SH2B3: variants seen among roughly 807,000 people sequenced by gnomAD.
The protein encoded by SH2B3 is SH2B adaptor protein 3, also known as SH2B adapter protein 3.
Under a neutral mutation model 51.9 loss-of-function variants are expected in SH2B3, and 43 were observed. That is an observed-to-expected ratio of 0.83 (90% CI 0.65 to 1.07). The LOEUF is 1.07. SH2B3 is among the 50% of genes least tolerant of loss of function. The pLI is 0.00. For synonymous variants in SH2B3, 396 were observed against 376.0 expected, an observed-to-expected ratio of 1.05 and a Z score of -0.62; for missense variants, 952 against 834.3, an observed-to-expected ratio of 1.14 and a Z score of -1.74.
At chr12:111,405,249 G>A (rs1191502704), upstream of SH2B3, among the ~76,000 whole-genome samples, 2 of 152,204 alleles carry the variant, frequency 1.3e-5, no homozygotes, top group Admixed American at 1.3e-4. This position sits in a 1 kb window ranked among gnomAD's most constrained non-coding sequence, Gnocchi z 5.4. Context: ...CGGCCGGAGC[G>A]AGGCTGGGCT....
At chr12:111,425,813 G>A (rs971140548) in intron 2 of SH2B3, among the ~76,000 whole-genome samples, 3 of 152,132 alleles carry the variant, frequency 2.0e-5, no homozygotes, top group African/African-American at 4.8e-5. Context: ...CCTGGGCACC[G>A]CTGAGCCCCA....
intron 2 of SH2B3, among the ~76,000 whole-genome samples, chr12:111,425,717 AAG>A (rs1871943206): frequency 6.6e-6 from 1 of 152,108 alleles, no homozygotes. Context: ...GAGTGGGTGC[AAG>A]GGACCCTCCA....
chr12:111,447,909 G>A, intron 7 of SH2B3, 74 bp from the exon 8 acceptor site: 1 of 1,556,828 alleles, frequency 6.4e-7, no homozygotes, highest in South Asian at 1.2e-5. Context: ...CAGGGGTACA[G>A]GTATCTTGTT....
chr12:111,445,235 A>T (rs929324482), intron 2 of SH2B3, among the ~76,000 whole-genome samples: 2 of 152,178 alleles, frequency 1.3e-5, no homozygotes, highest in African/African-American at 4.8e-5. Context: ...GTGATCCTTA[A>T]GGCCTGCAGC....
chr12:111,440,298 G>A (rs1042982962), intron 2 of SH2B3, among the ~76,000 whole-genome samples: 5 of 152,240 alleles, frequency 3.3e-5, no homozygotes, highest in Non-Finnish European at 7.3e-5. Flanking sequence ...CACGGAGCTG[G>A]CCCGGGGCAG....
Position 111,448,117 on chromosome 12 carries a change from C to T in SH2B3, c.1543C>T (p.Leu515Phe), listed in dbSNP as rs768764036. 4 of 1,614,166 alleles carry T rather than the reference C, an allele frequency of 2.5e-6. No homozygotes were observed. Among genetic ancestry groups the T allele is most frequent in the Non-Finnish European group, 3.4e-6 (4 of 1,180,024 alleles). Reference protein sequence around the residue: ...GCPRGLSPEGLPGRSSPPEQI... With the variant: ...GCPRGLSPEGFPGRSSPPEQI... ...TCCCCGGGGGCTCAGCCCAGAGGGT[C>T]TCCCAGGGCGATCCTCACCCCCCGA... The change falls in exon 8 of 8, where the codon CTC becomes TTC. Residue 515 changes from leucine (L) to phenylalanine (F), a missense_variant. Transcript: ENST00000341259.
At chr12:111,439,602 G>A (rs888492257) in intron 2 of SH2B3, among the ~76,000 whole-genome samples, 4 of 152,150 alleles carry the variant, frequency 2.6e-5, no homozygotes, top group African/African-American at 9.7e-5. Flanking sequence ...CTTTTGAGAT[G>A]AGATTTTGCT....
intron 2 of SH2B3, among the ~76,000 whole-genome samples, chr12:111,443,171 C>T (rs894960538): frequency 2.0e-5 from 3 of 152,212 alleles, no homozygotes; most frequent in South Asian, 2.1e-4. Flanking sequence ...TCCCTCCAGG[C>T]GGGCTGAACA....
chr12:111,436,884 T>C (rs796801418), intron 2 of SH2B3, among the ~76,000 whole-genome samples: 10 of 152,164 alleles, frequency 6.6e-5, no homozygotes, highest in African/African-American at 2.2e-4. Flanking sequence ...CCAGCATCTC[T>C]GGCTAATCAC....
At chr12:111,421,883 T>C (rs1056813806) in intron 2 of SH2B3, among the ~76,000 whole-genome samples, 1 of 152,238 alleles carries the variant, frequency 6.6e-6, no homozygotes, top group African/African-American at 2.4e-5. Context: ...TGGACACACA[T>C]CCTTTCATTT....
chr12:111,434,956 A>C (rs2135579627), intron 2 of SH2B3: 1 of 1,535,520 alleles, frequency 6.5e-7, no homozygotes, highest in East Asian at 2.4e-5. Flanking sequence ...TGGCTGTGCC[A>C]GTTGGCTGGG....
In SH2B3 at chr12:111,447,996, G is replaced by A. The variant is rs560329904; in HGVS notation, c.1422G>A (p.Thr474=). ...VVSQPPGSCN[T]VLFPFSLPHW... ...CACTTGTCCTAGGTTCCTGCAACACGGTCCTCTTCCCTTTCTCCCTTCCTC... is the reference window on the plus strand; with the variant it reads ...CACTTGTCCTAGGTTCCTGCAACACAGTCCTCTTCCCTTTCTCCCTTCCTC... Residue 474 remains threonine (T), a synonymous_variant, in exon 8 of 8, where the codon ACG becomes ACA. Coordinates refer to ENST00000341259, the MANE Select transcript of SH2B3 (RefSeq NM_005475.3). 12 of 1,609,222 alleles carry A rather than the reference G, an allele frequency of 7.5e-6. No individual in the cohort carries two copies. In the East Asian group the frequency reaches 1.1e-4, roughly 15 times the overall value.
chr12:111,446,645 T>G, intron 2 of SH2B3, 108 bp from the exon 3 acceptor site: 3 of 638,824 alleles, frequency 4.7e-6, no homozygotes, highest in South Asian at 4.2e-5. Flanking sequence ...ACACCATGGA[T>G]ACTCTCTCTA....
chr12:111,433,452 C>T (rs1316764155), intron 2 of SH2B3, among the ~76,000 whole-genome samples: 1 of 152,226 alleles, frequency 6.6e-6, no homozygotes, highest in Non-Finnish European at 1.5e-5. Context: ...TGAGAGGACT[C>T]CAGTTTCTCC....
chr12:111,445,448 C>G (rs1455936027), intron 2 of SH2B3, among the ~76,000 whole-genome samples: 1 of 152,238 alleles, frequency 6.6e-6, no homozygotes, highest in African/African-American at 2.4e-5. Flanking sequence ...TGAGGCCTCA[C>G]TCTGCCTGCC....
Position 111,448,223 on chromosome 12 carries a change from C to T in SH2B3, c.1649C>T (p.Ala550Val). The change falls in exon 8 of 8, where the codon GCC becomes GTC. Residue 550 changes from alanine to valine, a missense_variant. Physicochemically the swap from Ala to Val is moderately conservative, Grantham distance 64. Coordinates refer to ENST00000341259, the MANE Select transcript of SH2B3 (RefSeq NM_005475.3). ...CTGGAGCATGAGCCTGTGAATCGAG[C>T]CCGGGACTCGGACTACGAAATGGAC... ...QHLEHEPVNR[A>V]RDSDYEMDSS... The T allele has an allele frequency of 6.2e-7, 1 of 1,614,164 alleles. No individual in the cohort carries two copies. The highest frequency in any genetic ancestry group is 1.7e-5 in the Admixed American group (1 of 60,026).
intron 2 of SH2B3, chr12:111,444,160 A>T (rs1873698752): frequency 6.6e-6 from 1 of 152,288 alleles, no homozygotes; most frequent in Non-Finnish European, 1.5e-5. Context: ...GCGCCACTGC[A>T]CTCCAGCATG....
chr12:111,447,299 T>A, intron 5 of SH2B3, 31 bp from the exon 6 acceptor site: 1 of 1,596,868 alleles, frequency 6.3e-7, no homozygotes, highest in Non-Finnish European at 8.6e-7. Context: ...GGTAGCCCCC[T>A]GCGACCACCA....
intron 2 of SH2B3, among the ~76,000 whole-genome samples, chr12:111,423,370 T>A (rs368530546): frequency 3.9e-5 from 6 of 152,080 alleles, no homozygotes; most frequent in Non-Finnish European, 7.4e-5. Flanking sequence ...TTTTTATTTT[T>A]TTATTTTTTA....
Sources: allele counts gnomAD v4.1 joint callset (sites outside exome capture counted in the v4.1 genomes callset), GRCh38; gene constraint gnomAD v4.1.1; non-coding constraint Gnocchi (gnomAD v3.1); transcripts MANE v1.5; gene names NCBI Gene and HGNC (gene_info 2026-07-23, HGNC 2026-07-21).